Variants in BAIAP2L1 observed in about 807,000 individuals in gnomAD.
The protein encoded by BAIAP2L1 is BAR/IMD domain-containing adapter protein 2-like 1.
BAIAP2L1 carries 35 observed loss-of-function variants against 66.3 expected under a neutral mutation model. That is an observed-to-expected ratio of 0.53 (90% CI 0.40 to 0.70). The LOEUF (loss-of-function observed/expected upper bound fraction) is 0.70. Among genes scored for constraint, BAIAP2L1 ranks in the 30% least tolerant of loss-of-function variants. The pLI is 0.00. For synonymous variants in BAIAP2L1, 269 were observed against 248.7 expected, an observed-to-expected ratio of 1.08 and a Z score of -0.77; for missense variants, 622 against 656.9, an observed-to-expected ratio of 0.95 and a Z score of 0.58.
chr7:98,344,144 C>T (rs1801817666), intron 3 of BAIAP2L1, among the ~76,000 whole-genome samples: 1 of 152,080 alleles, frequency 6.6e-6, no homozygotes, highest in Non-Finnish European at 1.5e-5. Context: ...GCCACTGGCA[C>T]TCCAGCCTGA....
intron 2 of BAIAP2L1, among the ~76,000 whole-genome samples, chr7:98,357,389 A>G (rs1056857547): frequency 1.7e-4 from 26 of 150,964 alleles, no homozygotes; most frequent in Non-Finnish European, 3.5e-4. Context: ...CAACATGGTG[A>G]AATCCCGTCT....
chr7:98,320,972 T>A (rs1801226742), intron 3 of BAIAP2L1, among the ~76,000 whole-genome samples: 1 of 152,172 alleles, frequency 6.6e-6, no homozygotes. Context: ...TCCTTCCACC[T>A]CAGCCTCCCG....
At chr7:98,383,612 T>C (rs80177252) in intron 1 of BAIAP2L1, among the ~76,000 whole-genome samples, 4,175 of 152,094 alleles carry the variant, frequency 0.027, 78 homozygotes, top group Middle Eastern at 0.044. Flanking sequence ...AAAAGTAACA[T>C]TTCAACCAGA....
intron 12 of BAIAP2L1, among the ~76,000 whole-genome samples, chr7:98,295,980 G>A (rs1800172412): frequency 6.6e-6 from 1 of 152,304 alleles, no homozygotes; most frequent in South Asian, 2.1e-4. Context: ...GCTCCCTGTA[G>A]GAACAAGCAG....
intron 1 of BAIAP2L1, among the ~76,000 whole-genome samples, chr7:98,395,202 G>A (rs1803170902): frequency 6.6e-6 from 1 of 151,798 alleles, no homozygotes; most frequent in Non-Finnish European, 1.5e-5. Flanking sequence ...AACTTTGGGA[G>A]GCCGAGGTGG....
chr7:98,305,075 G>A lies in BAIAP2L1; in HGVS notation c.1242-699C>T, dbSNP rs527379837. On this transcript the variant is annotated intron_variant, in intron 11 of 13. Coordinates refer to ENST00000005260, the MANE Select transcript of BAIAP2L1 (RefSeq NM_018842.5). ...TTTTTTTTTTTTTTTTTTTTTAGTA[G>A]AGACGGGGTTTCATTATGTTGGCCA... Among the ~76,000 whole-genome samples, 544 of 98,272 alleles carry A rather than the reference G, an allele frequency of 5.5e-3. 1 individual carries two copies. The highest frequency in any genetic ancestry group is 0.019 in the Middle Eastern group (4 of 208). 64.5% of individuals were successfully genotyped at this position (98,272 alleles called of 152,430 possible).
intron 13 of BAIAP2L1, 74 bp downstream of exon 13, chr7:98,294,000 G>C (rs73147337): frequency 6.5e-7 from 1 of 1,528,808 alleles, no homozygotes; most frequent in African/African-American, 1.4e-5. Flanking sequence ...GCTGGGCACC[G>C]AAGGCCCTTC....
At chr7:98,367,292 G>C (rs1802407725) in intron 1 of BAIAP2L1, among the ~76,000 whole-genome samples, 2 of 152,112 alleles carry the variant, frequency 1.3e-5, no homozygotes, top group Non-Finnish European at 2.9e-5. Flanking sequence ...CACTGCTACA[G>C]TTCTATTAAC....
intron 8 of BAIAP2L1, 98 bp from the exon 9 acceptor site, chr7:98,310,690 T>G (rs1269349204): frequency 1.1e-6 from 1 of 889,098 alleles, no homozygotes; most frequent in Non-Finnish European, 1.6e-6. Flanking sequence ...AATAGGCTAT[T>G]TATTTATTTA....
At chr7:98,381,235 T>C (rs933539712) in intron 1 of BAIAP2L1, among the ~76,000 whole-genome samples, 2 of 152,220 alleles carry the variant, frequency 1.3e-5, no homozygotes, top group African/African-American at 2.4e-5. Context: ...GTCCTTACTG[T>C]GTCCTTCTAA....
intron 7 of BAIAP2L1, among the ~76,000 whole-genome samples, chr7:98,314,533 A>G (rs1562970186): frequency 1.3e-5 from 2 of 152,128 alleles, no homozygotes. Context: ...AGGAAAGGAA[A>G]TGTGACATGT....
intron 4 of BAIAP2L1, 46 bp from the exon 5 acceptor site, chr7:98,320,175 G>C: frequency 6.3e-7 from 1 of 1,591,122 alleles, no homozygotes; most frequent in Non-Finnish European, 8.6e-7. Flanking sequence ...GAGATTTTAA[G>C]CAAAATAAGT....
intron 1 of BAIAP2L1, among the ~76,000 whole-genome samples, chr7:98,387,703 G>GA (rs3062634): frequency 0.12 from 17,498 of 145,338 alleles, 1,255 homozygotes; most frequent in South Asian, 0.23. Flanking sequence ...GTCTCTACAA[G>GA]AAAAAAAAAA....
At chr7:98,399,516 G>C (rs1326428755) in intron 1 of BAIAP2L1, among the ~76,000 whole-genome samples, 4 of 152,076 alleles carry the variant, frequency 2.6e-5, no homozygotes, top group African/African-American at 9.7e-5. Context: ...AAGCACCAGG[G>C]ACAGAAAAAA....
At chr7:98,348,581 AAAAAAG>A (rs1801929270) in intron 3 of BAIAP2L1, among the ~76,000 whole-genome samples, 1 of 150,622 alleles carries the variant, frequency 6.6e-6, no homozygotes, top group African/African-American at 2.5e-5. Flanking sequence ...AAAAAAAAAA[AAAAAAG>A]AAAGAAAGAA....
intron 3 of BAIAP2L1, among the ~76,000 whole-genome samples, chr7:98,321,403 G>A (rs1388238393): frequency 1.3e-5 from 2 of 152,126 alleles, no homozygotes; most frequent in African/African-American, 4.8e-5. Context: ...AACGCCAGGG[G>A]AACCCGCAGC....
intron 1 of BAIAP2L1, among the ~76,000 whole-genome samples, chr7:98,372,468 T>G (rs1209930127): frequency 6.6e-6 from 1 of 152,176 alleles, no homozygotes; most frequent in African/African-American, 2.4e-5. Flanking sequence ...GATATTTTAG[T>G]GCTTTGTTTT....
chr7:98,348,600 G>T (rs1013599091), intron 3 of BAIAP2L1, among the ~76,000 whole-genome samples: 1 of 150,558 alleles, frequency 6.6e-6, no homozygotes, highest in African/African-American at 2.4e-5. Context: ...AGAAAGAAAA[G>T]AAAAATGTTA....
At position 98,360,500 on chromosome 7, in the gene BAIAP2L1, G is replaced by C. The variant is rs560702772; in HGVS notation, c.127+1857C>G. Among the ~76,000 whole-genome samples, 4 of 152,120 alleles carry C rather than the reference G, an allele frequency of 2.6e-5. No individual in the cohort carries two copies. In the South Asian group the frequency reaches 8.3e-4, roughly 31 times the overall value. On this transcript the variant is annotated intron_variant, in intron 2 of 13. Transcript: ENST00000005260. ...AGAAATTCTGGAAATACCTTCTGAA[G>C]TATTTACTCCCCAGGAGGTGCTAAA...
Sources: gnomAD v4.1 joint callset for allele counts (sites outside exome capture counted in the v4.1 genomes callset) on GRCh38, gnomAD v4.1.1 for gene constraint, MANE v1.5 for transcripts, NCBI Gene and HGNC (gene_info 2026-07-23, HGNC 2026-07-21) for gene names.